The following AUTS2 variants were observed in gnomAD, a reference collection of about 807,000 sequenced individuals.
The protein encoded by AUTS2 is activator of transcription and developmental regulator AUTS2.
Under a neutral mutation model 112.4 loss-of-function variants are expected in AUTS2, and 17 were observed. The ratio of observed to expected loss-of-function variants is 0.15; its 90% CI spans 0.10 to 0.23. AUTS2 has a LOEUF of 0.23. AUTS2 is among the 10% of genes least tolerant of loss of function. The pLI, the probability that AUTS2 is intolerant of heterozygous loss-of-function variation, is 1.00. For missense variants in AUTS2, 1,510 were observed against 1,701.6 expected (o/e 0.89, Z 1.98); for synonymous variants, 751 against 702.7 (o/e 1.07, Z -1.09).
At chr7:70,101,565 C>G (rs1466818447) in intron 2 of AUTS2, among the ~76,000 whole-genome samples, 3 of 151,990 alleles carry the variant, frequency 2.0e-5, no homozygotes, top group Non-Finnish European at 4.4e-5. Context: ...CATGGTGGTG[C>G]ATGCTTGTAA....
chr7:69,692,640 G>A (rs763863523), intron 1 of AUTS2, among the ~76,000 whole-genome samples: 2 of 152,182 alleles, frequency 1.3e-5, no homozygotes, highest in African/African-American at 2.4e-5. Flanking sequence ...TACTTTCTTG[G>A]ATTAGCTTAT....
chr7:69,843,152 G>A (rs1454280910), intron 1 of AUTS2, among the ~76,000 whole-genome samples: 2 of 152,140 alleles, frequency 1.3e-5, no homozygotes, highest in East Asian at 1.9e-4. Flanking sequence ...ACCTGAAAGA[G>A]AGGTATTCAG....
At chr7:70,037,372 G>A (rs1446184710) in intron 2 of AUTS2, among the ~76,000 whole-genome samples, 1 of 152,138 alleles carries the variant, frequency 6.6e-6, no homozygotes, top group East Asian at 1.9e-4. Context: ...TTTGCTGAGT[G>A]AGTAGGTTAT....
intron 5 of AUTS2, among the ~76,000 whole-genome samples, chr7:70,457,853 T>C (rs1796807390): frequency 6.6e-6 from 1 of 152,202 alleles, no homozygotes; most frequent in South Asian, 2.1e-4. Flanking sequence ...CTGAGCCGTT[T>C]TGTTGAACAG....
chr7:70,568,815 A>G (rs1801817389), intron 5 of AUTS2, among the ~76,000 whole-genome samples: 1 of 152,230 alleles, frequency 6.6e-6, no homozygotes, highest in South Asian at 2.1e-4. Context: ...CCAGTGTTCC[A>G]TTTGTGTGTT....
intron 1 of AUTS2, among the ~76,000 whole-genome samples, chr7:69,620,098 G>A (rs1793587877): frequency 6.6e-6 from 1 of 152,144 alleles, no homozygotes; most frequent in Admixed American, 6.5e-5. Flanking sequence ...GATTTTATTA[G>A]CAGCTTAAAA....
chr7:69,744,707 AT>A (rs1787415600), intron 1 of AUTS2, among the ~76,000 whole-genome samples: 1 of 151,966 alleles, frequency 6.6e-6, no homozygotes. Flanking sequence ...GTGGTGGCAT[AT>A]GCCTGTAGTC....
intron 4 of AUTS2, among the ~76,000 whole-genome samples, chr7:70,354,339 C>T (rs925458137): frequency 4.6e-5 from 7 of 152,152 alleles, no homozygotes; most frequent in African/African-American, 9.7e-5. Context: ...TAATAGCTTT[C>T]GTAAAACATG....
chr7:70,216,427 G>T (rs1157434880), intron 4 of AUTS2, among the ~76,000 whole-genome samples: 1 of 152,120 alleles, frequency 6.6e-6, no homozygotes, highest in Non-Finnish European at 1.5e-5. Flanking sequence ...CAACTTAGCA[G>T]ATGCTCCTGG....
chr7:69,735,104 G>T (rs998436937), intron 1 of AUTS2, among the ~76,000 whole-genome samples: 1 of 152,176 alleles, frequency 6.6e-6, no homozygotes, highest in African/African-American at 2.4e-5. Context: ...CCTCTTCTAT[G>T]TCAAGTCTCT....
At chr7:69,942,916 A>G (rs1460101807) in intron 2 of AUTS2, among the ~76,000 whole-genome samples, 1 of 152,238 alleles carries the variant, frequency 6.6e-6, no homozygotes, top group Non-Finnish European at 1.5e-5. Flanking sequence ...TTCTGTATTT[A>G]CTGACTAGAA....
At chr7:69,714,909 A>C (rs908111357) in intron 1 of AUTS2, among the ~76,000 whole-genome samples, 5 of 151,952 alleles carry the variant, frequency 3.3e-5, no homozygotes, top group African/African-American at 1.2e-4. Context: ...CATACTTTAT[A>C]TATATATATA....
chr7:70,580,945 A>G (rs62455829), intron 5 of AUTS2, among the ~76,000 whole-genome samples: 23,953 of 152,152 alleles, frequency 0.16, 2,142 homozygotes, highest in Non-Finnish European at 0.19. Context: ...TAGAATCTGT[A>G]ACCAAAAAAA....
chr7:69,909,766 C>A (rs937142198), intron 2 of AUTS2, among the ~76,000 whole-genome samples: 22 of 152,022 alleles, frequency 1.4e-4, no homozygotes, highest in African/African-American at 5.3e-4. Flanking sequence ...TAGGATTTAA[C>A]AATTGCCTGA....
chr7:70,657,688 A>G (rs1806845661), intron 5 of AUTS2, among the ~76,000 whole-genome samples: 1 of 152,116 alleles, frequency 6.6e-6, no homozygotes, highest in Non-Finnish European at 1.5e-5. Flanking sequence ...AAGGGATCTG[A>G]GCTGTAACCT....
At chr7:69,622,025 C>T (rs897214318) in intron 1 of AUTS2, among the ~76,000 whole-genome samples, 1 of 151,986 alleles carries the variant, frequency 6.6e-6, no homozygotes, top group African/African-American at 2.4e-5. Context: ...TATTGTTTGG[C>T]AAATAAGATT....
At chr7:69,920,768 C>T (rs1795778493) in intron 2 of AUTS2, among the ~76,000 whole-genome samples, 1 of 152,178 alleles carries the variant, frequency 6.6e-6, no homozygotes, top group African/African-American at 2.4e-5. Flanking sequence ...TTGCCCTCTT[C>T]CAGGTAGCTC....
intron 4 of AUTS2, among the ~76,000 whole-genome samples, chr7:70,197,366 G>T (rs1047615133): frequency 6.6e-6 from 1 of 151,710 alleles, no homozygotes; most frequent in African/African-American, 2.4e-5. Flanking sequence ...GAACAGCTCC[G>T]GTCTACAGCT....
rs760096118 is a variant in AUTS2 at position 70,790,388 on chromosome 7, G to A, written c.3172G>A (p.Gly1058Arg). 3.7e-6 allele frequency: 6 copies of A among 1,613,720 alleles called. No individual in the cohort carries two copies. In the Admixed American group the frequency reaches 5.0e-5, roughly 13 times the overall value. The change falls in exon 19 of 19, where the codon GGA (glycine) becomes AGA (arginine). Residue 1058 changes from glycine (G) to arginine (R), a missense_variant. Physicochemically the swap from Gly to Arg is moderately radical, Grantham distance 125 (BLOSUM62 -2). Coordinates refer to ENST00000342771, the MANE Select transcript of AUTS2 (RefSeq NM_015570.4). This position sits in a 1 kb window ranked among gnomAD's most constrained non-coding sequence, Gnocchi z 7.6. ...CATGGGCATCAGCCCCCTCCCGGGC[G>A]GAGAGCGCTTCCCGTACCCTTCTTT... ...PFMGISPLPG[G>R]ERFPYPSFHW...
Sources: allele counts gnomAD v4.1 joint callset (sites outside exome capture counted in the v4.1 genomes callset), GRCh38; gene constraint gnomAD v4.1.1; non-coding constraint Gnocchi (gnomAD v3.1); transcripts MANE v1.5; gene names NCBI Gene and HGNC (gene_info 2026-07-23, HGNC 2026-07-21).